Variants in PGGHG observed in about 807,000 individuals in gnomAD.
The protein encoded by PGGHG is protein-glucosylgalactosylhydroxylysine glucosidase.
A neutral mutation model predicts 74.5 loss-of-function variants in PGGHG; 67 were observed. That is an observed-to-expected ratio of 0.90 (90% CI 0.74 to 1.10). The LOEUF is 1.10. PGGHG is among the 50% of genes least tolerant of loss of function. PGGHG has a pLI of 0.00. For synonymous variants in PGGHG, 496 were observed against 419.9 expected (o/e 1.18, Z -2.21); for missense variants, 1,034 against 981.5 (o/e 1.05, Z -0.72).
In PGGHG at chr11:293,656, C is replaced by G. The variant is rs1354351883; in HGVS notation, c.1543C>G (p.Pro515Ala). The change falls in exon 10 of 14, where the codon CCT becomes GCT. Residue 515 changes from proline (P) to alanine (A), a missense_variant. Coordinates refer to ENST00000409548, the MANE Select transcript of PGGHG (RefSeq NM_025092.5). Reference sequence around the variant, plus strand: ...ATACCCAGTCCCCTTCTCCCTGAGTCCTGATGTTCGCAGGAAAAATCTGGA... The same window carrying G: ...ATACCCAGTCCCCTTCTCCCTGAGTGCTGATGTTCGCAGGAAAAATCTGGA... ...LGYPVPFSLS[P>A]DVRRKNLEIY... is the part of the protein sequence containing the mutation. 1 of 1,613,516 alleles carries G rather than the reference C, an allele frequency of 6.2e-7. No individual in the cohort carries two copies. The highest frequency in any genetic ancestry group is 8.5e-7 in the Non-Finnish European group (1 of 1,180,006).
rs151001509 is a variant in PGGHG, at chr11:290,847, T to G, written c.640T>G (p.Cys214Gly). ...VGGSQAEAQA[C>G]LTEALQLQAR... ...CGGCAGCCAGGCTGAGGCTCAGGCC[T>G]GCCTCACTGAGGCCCTGCAGCTGCA... Residue 214 changes from cysteine (C) to glycine (G), a missense_variant, in exon 4 of 14, where the codon TGC (cysteine) becomes GGC (glycine). Coordinates refer to ENST00000409548, the MANE Select transcript of PGGHG (RefSeq NM_025092.5). The G allele has an allele frequency of 6.1e-4, 989 of 1,611,910 alleles. No individual in the cohort carries two copies. The highest frequency in any genetic ancestry group is 8.1e-4 in the Non-Finnish European group (957 of 1,179,534).
At position 291,522 on chromosome 11, in the gene PGGHG, C is replaced by T. The variant is rs530820228; in HGVS notation, c.906+409C>T. 1.1e-3 allele frequency: 264 copies of T among 246,974 alleles called. 6 individuals are homozygous for T. The South Asian group carries it at 0.014, about 14-fold the overall frequency. The allele number at this position is 246,974 out of a possible 1,614,324, so 15.3% of individuals were successfully genotyped here. A position where few individuals can be genotyped will look rare whatever the true frequency, so the allele number is the denominator to read the frequency against. On this transcript the variant is annotated intron_variant, in intron 4 of 13. Coordinates refer to ENST00000409548, the MANE Select transcript of PGGHG (RefSeq NM_025092.5). ...CGTGGAGCCCGGTACTGGAGGCCGACGGGGGTGACGGGGACGCTGAGGGCA... is the reference window on the plus strand; with the variant it reads ...CGTGGAGCCCGGTACTGGAGGCCGATGGGGGTGACGGGGACGCTGAGGGCA...
rs1482690804 is a variant in PGGHG at position 290,860 on chromosome 11, C to G, written c.653C>G (p.Ala218Gly). The G allele has an allele frequency of 6.2e-7, 1 of 1,611,198 alleles. No individual in the cohort carries two copies. The highest frequency in any genetic ancestry group is 1.1e-5 in the South Asian group (1 of 90,818). The part of the protein sequence containing the change: ...QAEAQACLTE[A>G]LQLQARGALY... ...GAGGCTCAGGCCTGCCTCACTGAGG[C>G]CCTGCAGCTGCAGGCCAGGGGAGCT... Residue 218 changes from alanine (A) to glycine (G), a missense_variant, in exon 4 of 14, where the codon GCC (alanine) becomes GGC (glycine). By Grantham distance (60) the Ala-to-Gly change is moderately conservative (BLOSUM62 0). Transcript: ENST00000409548.
In PGGHG at chr11:293,859, G is replaced by A. The variant is rs763144699; in HGVS notation, c.1644G>A (p.Leu548=). The change falls in exon 11 of 14, where the codon CTG becomes CTA. Residue 548 remains leucine (L), a synonymous_variant. Transcript: ENST00000409548. The part of the protein sequence containing the change: ...WSMFAVGWME[L]KDAVRARGLL... ...TGTTTGCTGTGGGCTGGATGGAGCT[G>A]AAGGACGCAGTGCGGGCCCGGGGCC... The A allele has an allele frequency of 6.2e-7, 1 of 1,613,696 alleles. No homozygotes were observed. The highest frequency in any genetic ancestry group is 1.7e-5 in the Admixed American group (1 of 60,016).
At position 289,798 on chromosome 11, in the gene PGGHG, G is replaced by T. The variant is rs539783156; in HGVS notation, c.-13-6G>T. 3 of 1,544,214 alleles carry T rather than the reference G, an allele frequency of 1.9e-6. No homozygotes were observed. The highest frequency in any genetic ancestry group is 2.7e-5 in the African/African-American group (2 of 73,066). ...GCGGCCCCTGACACCCCATCAGGCC[G>T]CTCAGGCCCAGCAGCTCCATGGAGG... On this transcript the variant is annotated splice_region_variant and splice_polypyrimidine_tract_variant and intron_variant, in intron 1 of 13. Coordinates refer to ENST00000409548, the MANE Select transcript of PGGHG (RefSeq NM_025092.5). The surrounding 1 kb of genome is among the most constrained non-coding windows in gnomAD (Gnocchi z 5.6).
intron 12 of PGGHG, 25 bp downstream of exon 12, chr11:294,221 C>T: frequency 1.3e-6 from 2 of 1,595,028 alleles, no homozygotes; most frequent in Non-Finnish European, 1.7e-6. Context: ...TGGCAGAGGG[C>T]AGCCCATGCC....
In PGGHG at chr11:294,461, G is replaced by A. The variant is rs369157724; in HGVS notation, c.2003G>A (p.Arg668Gln). Residue 668 changes from arginine (R) to glutamine (Q), a missense_variant, in exon 13 of 14, where the codon CGG becomes CAG. Arg to Gln is a conservative substitution (Grantham distance 43). Coordinates refer to ENST00000409548, the MANE Select transcript of PGGHG (RefSeq NM_025092.5). ...LEAELWPSQSRLSLLPGHKVS... is the reference protein window; with the variant it reads ...LEAELWPSQSQLSLLPGHKVS... Reference sequence around the variant, plus strand: ...GCTGAGCTGTGGCCATCCCAGTCCCGGCTCTCCCTGTTGCCAGGTAGAACA... The same window carrying A: ...GCTGAGCTGTGGCCATCCCAGTCCCAGCTCTCCCTGTTGCCAGGTAGAACA... The A allele has an allele frequency of 5.0e-5, 62 of 1,243,600 alleles. No homozygotes were observed. The Admixed American group carries it at 7.3e-4, about 15-fold the overall frequency. The allele number at this position is 1,243,600 out of a possible 1,614,324, so 77.0% of individuals were successfully genotyped here. A position where few individuals can be genotyped will look rare whatever the true frequency, so the allele number is the denominator to read the frequency against.
Position 293,924 on chromosome 11 carries a change from A to G in PGGHG, c.1709A>G (p.Lys570Arg), listed in dbSNP as rs1380067636. Residue 570 changes from lysine (K) to arginine (R), a missense_variant and splice_region_variant, in exon 11 of 14, where the codon AAG becomes AGG. By Grantham distance (26) the Lys-to-Arg change is conservative. Coordinates refer to ENST00000409548, the MANE Select transcript of PGGHG (RefSeq NM_025092.5). ...TTTGCCAACATGGCTGAACCCTTCAAGGTCAGCCTGGCCACACCTGCCTCC... is the reference window on the plus strand; with the variant it reads ...TTTGCCAACATGGCTGAACCCTTCAGGGTCAGCCTGGCCACACCTGCCTCC... ...RSFANMAEPF[K>R]VWTENADGSG... 6.2e-7 allele frequency: 1 copy of G among 1,610,902 alleles called. No individual in the cohort carries two copies. The highest frequency in any genetic ancestry group is 2.2e-5 in the East Asian group (1 of 44,834).
At chr11:292,785 G>A in intron 6 of PGGHG, 101 bp from the exon 7 acceptor site, 3 of 1,607,524 alleles carry the variant, frequency 1.9e-6, no homozygotes, top group Non-Finnish European at 2.6e-6. Context: ...GCTGGCTGAG[G>A]ACAGGTGTCT....
Position 289,907 on chromosome 11 carries a change from C to T in PGGHG, c.91C>T (p.Leu31=), listed in dbSNP as rs1845663956. Residue 31 remains leucine (L), a synonymous_variant, in exon 2 of 14, where the codon CTG becomes TTG. Coordinates refer to ENST00000409548, the MANE Select transcript of PGGHG (RefSeq NM_025092.5). This position sits in a 1 kb window ranked among gnomAD's most constrained non-coding sequence, Gnocchi z 5.6. ...CTTGGCCACTGTGACCAACGCATAC[C>T]TGGGCACACGAGTGTTTCACGACAC... ...RLLATVTNAY[L]GTRVFHDTLH... is the part of the protein sequence containing the mutation. The T allele has an allele frequency of 6.4e-7, 1 of 1,551,100 alleles. No individual in the cohort carries two copies. Among genetic ancestry groups the T allele is most frequent in the Non-Finnish European group, 8.7e-7 (1 of 1,146,912 alleles).
rs199731720 is a variant in PGGHG at position 291,040 on chromosome 11, A to T, written c.833A>T (p.His278Leu). 6.2e-7 allele frequency: 1 copy of T among 1,612,244 alleles called. No homozygotes were observed. The highest frequency in any genetic ancestry group is 8.5e-7 in the Non-Finnish European group (1 of 1,179,628). The change falls in exon 4 of 14, where the codon CAT (histidine) becomes CTT (leucine). Residue 278 changes from histidine (H) to leucine (L), a missense_variant. His to Leu is a moderately conservative substitution (Grantham distance 99, BLOSUM62 -3). Coordinates refer to ENST00000409548, the MANE Select transcript of PGGHG (RefSeq NM_025092.5). ...CCCAAGGCCCCAGGATACATCTGCC[A>T]TGGCCTCAGTCCTGGGGGCCTCTCC... ...PQPKAPGYIC[H>L]GLSPGGLSNG...
chr11:291,909 A>T, intron 4 of PGGHG, 67 bp from the exon 5 acceptor site: 1 of 1,527,984 alleles, frequency 6.5e-7, no homozygotes, highest in Non-Finnish European at 8.8e-7. Flanking sequence ...CCGGGGCGGA[A>T]TGTGGCCAGG....
Position 294,982 on chromosome 11 carries a change from C to T in PGGHG, c.*233C>T. The T allele has an allele frequency of 2.0e-6, 1 of 504,644 alleles. No individual in the cohort carries two copies. The highest frequency in any genetic ancestry group is 3.5e-6 in the Non-Finnish European group (1 of 288,914). The allele number at this position is 504,644 out of a possible 1,614,324, so 31.3% of individuals were successfully genotyped here. On this transcript the variant is annotated 3_prime_UTR_variant, in exon 14 of 14. Coordinates refer to ENST00000409548, the MANE Select transcript of PGGHG (RefSeq NM_025092.5). ...ATCTCCACACCGCCTCTGCCTGCCCCTGTGGACTGATGCTATCGCGCACCG... is the reference window on the plus strand; with the variant it reads ...ATCTCCACACCGCCTCTGCCTGCCCTTGTGGACTGATGCTATCGCGCACCG...
rs747832026 is a variant in PGGHG at position 293,172 on chromosome 11, C to G, written c.1280C>G (p.Ser427Cys). 70 of 1,613,772 alleles carry G rather than the reference C, an allele frequency of 4.3e-5. No homozygotes were observed. In the African/African-American group the frequency reaches 6.9e-4, roughly 16 times the overall value. Residue 427 changes from serine (S) to cysteine (C), a missense_variant, in exon 8 of 14, where the codon TCC becomes TGC. By Grantham distance (112) the Ser-to-Cys change is moderately radical. Transcript: ENST00000409548. ...EEKYHLRGVM[S>C]PDEYHSGVNN... ...GGACTTGTGTGTCCAGGAGTCATGT[C>G]CCCCGACGAGTACCATTCAGGGGTC...
At chr11:293,799 C>G in intron 10 of PGGHG, 31 bp from the exon 11 acceptor site, 1 of 1,613,498 alleles carries the variant, frequency 6.2e-7, no homozygotes, top group Non-Finnish European at 8.5e-7. Context: ...GTGGGCCTCA[C>G]CCCTGTGTGT....
intron 7 of PGGHG, 77 bp downstream of exon 7, chr11:293,074 C>T (rs1845773916): frequency 1.2e-6 from 2 of 1,613,870 alleles, no homozygotes; most frequent in Non-Finnish European, 1.7e-6. Context: ...TCAGACACCT[C>T]ACGTGTGCCA....
At chr11:290,657 G>A (rs1845690803) in intron 3 of PGGHG, 21 bp from the exon 4 acceptor site, 2 of 1,610,074 alleles carry the variant, frequency 1.2e-6, no homozygotes, top group South Asian at 1.1e-5. Context: ...TCATCCCTGA[G>A]GCATGGCCAC....
Position 289,980 on chromosome 11 carries a change from G to C in PGGHG, c.164G>C (p.Arg55Pro). ...AATGGGGCTGGCGGGGACACGCACC[G>C]GGCCATGCTGCCCAGCCCCCTCAAC... ...VYNGAGGDTH[R>P]AMLPSPLNVR... Residue 55 changes from arginine to proline, a missense_variant, in exon 2 of 14, where the codon CGG becomes CCG. By Grantham distance (103) the Arg-to-Pro change is moderately radical. Transcript: ENST00000409548. The surrounding 1 kb of genome is among the most constrained non-coding windows in gnomAD (Gnocchi z 5.6). 6.5e-7 allele frequency: 1 copy of C among 1,549,438 alleles called. No homozygotes were observed. The highest frequency in any genetic ancestry group is 1.4e-5 in the African/African-American group (1 of 73,126).
rs894264623 is a variant in PGGHG at position 293,360 on chromosome 11, C to T, written c.1344-6C>T. ...TGCAGCCTCCCCCACCTACCTCCAC[C>T]TCCAGCCTGCGCTTTGCTGCTGCCC... is the stretch of plus-strand genomic sequence containing the variant. On this transcript the variant is annotated splice_polypyrimidine_tract_variant and splice_region_variant and intron_variant, in intron 8 of 13. Coordinates refer to ENST00000409548, the MANE Select transcript of PGGHG (RefSeq NM_025092.5). 6.2e-7 allele frequency: 1 copy of T among 1,611,020 alleles called. No individual in the cohort carries two copies. The highest frequency in any genetic ancestry group is 8.5e-7 in the Non-Finnish European group (1 of 1,179,556).
Sources: allele counts gnomAD v4.1 joint callset, GRCh38; gene constraint gnomAD v4.1.1; non-coding constraint Gnocchi (gnomAD v3.1); transcripts MANE v1.5; gene names NCBI Gene and HGNC (gene_info 2026-07-23, HGNC 2026-07-21).